The following SPG7 variants were observed in gnomAD, a reference collection of about 807,000 sequenced individuals.
SPG7 encodes SPG7 matrix AAA peptidase subunit, paraplegin, also known as mitochondrial inner membrane m-AAA protease component paraplegin.
Under a neutral mutation model 81.9 loss-of-function variants are expected in SPG7, and 103 were observed. That is an observed-to-expected ratio of 1.26 (90% CI 1.07 to 1.48). The LOEUF is 1.48. Among genes scored for constraint, SPG7 ranks in the 40% most tolerant of loss-of-function variants. The pLI is 0.00. For missense variants in SPG7, 1,241 were observed against 1,087.3 expected, an observed-to-expected ratio of 1.14 and a Z score of -1.99; for synonymous variants, 534 against 444.2, an observed-to-expected ratio of 1.20 and a Z score of -2.54.
intron 9 of SPG7, among the ~76,000 whole-genome samples, chr16:89,536,477 CGGGTG>C (rs2058420132): frequency 2.5e-5 from 1 of 40,300 alleles, no homozygotes; most frequent in Admixed American, 2.8e-4. Context: ...GCGGGTGAGG[CGGGTG>C]AGGTCAGGTG....
Position 89,557,008 on chromosome 16 carries a change from G to A in SPG7, c.2303G>A (p.Arg768Lys), listed in dbSNP as rs1438518759. Residue 768 changes from arginine to lysine, a missense_variant, in exon 17 of 17, where the codon AGG (arginine) becomes AAG (lysine). Coordinates refer to ENST00000645818, the MANE Select transcript of SPG7 (RefSeq NM_003119.4). ...CCGCAGAGGTGGATCGACGCCCAGA[G>A]GGAGAAACAGGACTTGGGCGAGGAG... ...IAPQRWIDAQ[R>K]EKQDLGEEET... 1.1e-5 allele frequency: 17 copies of A among 1,613,684 alleles called. No individual in the cohort carries two copies. Among genetic ancestry groups the A allele is most frequent in the Non-Finnish European group, 1.3e-5 (15 of 1,180,036 alleles).
At chr16:89,517,304 C>T (rs1386975769) in intron 3 of SPG7, 1 of 151,412 alleles carries the variant, frequency 6.6e-6, no homozygotes, top group African/African-American at 2.4e-5. Context: ...GCATGGCAGC[C>T]TCCGTTGTCA....
At chr16:89,555,980 G>A (rs1456440712) in intron 16 of SPG7, 3 of 398,696 alleles carry the variant, frequency 7.5e-6, no homozygotes, top group Admixed American at 8.8e-5. Context: ...GCCGTCCCCG[G>A]CTGAAGCAGG....
chr16:89,550,221 G>A (rs1339073091), intron 12 of SPG7: 1 of 405,206 alleles, frequency 2.5e-6, no homozygotes, highest in South Asian at 2.1e-5. Flanking sequence ...CGCCCAGCCT[G>A]GAGTGCAGTG....
chr16:89,547,683 G>A (rs1048585024), intron 11 of SPG7: 11 of 373,200 alleles, frequency 2.9e-5, no homozygotes, highest in Non-Finnish European at 5.7e-5. Flanking sequence ...CGTGATCTTG[G>A]CTCCCCGCAG....
At chr16:89,514,208 C>G (rs1414379356) in intron 3 of SPG7, 1 of 149,674 alleles carries the variant, frequency 6.7e-6, no homozygotes, top group Non-Finnish European at 1.5e-5. Context: ...TCAGAACTAT[C>G]TTCTAAAAGA....
intron 13 of SPG7, 38 bp from the exon 14 acceptor site, chr16:89,552,941 C>A: frequency 6.2e-7 from 1 of 1,610,870 alleles, no homozygotes; most frequent in Non-Finnish European, 8.5e-7. Flanking sequence ...GCCCACGCAT[C>A]CTGCCTACTG....
chr16:89,510,519 C>T lies in SPG7; in HGVS notation c.213C>T (p.Thr71=). 2 of 1,608,834 alleles carry T rather than the reference C, an allele frequency of 1.2e-6. No individual in the cohort carries two copies. The highest frequency in any genetic ancestry group is 1.7e-5 in the Admixed American group (1 of 59,784). ...TACAATTGAGACTGCTAACCCCTAC[C>T]TTTGAAGGGATCAACGGATTGTTGT... is the stretch of plus-strand genomic sequence containing the variant. ...QSLQLRLLTP[T]FEGINGLLLK... Residue 71 remains threonine, a synonymous_variant, in exon 2 of 17, where the codon ACC becomes ACT. Coordinates refer to ENST00000645818, the MANE Select transcript of SPG7 (RefSeq NM_003119.4).
chr16:89,548,255 A>C, intron 12 of SPG7, 142 bp downstream of exon 12: 19 of 655,804 alleles, frequency 2.9e-5, no homozygotes, highest in Non-Finnish European at 3.6e-5. Flanking sequence ...TGCGTAACTC[A>C]TGTCTTTATG....
rs768000557 is a variant in SPG7, at chr16:89,557,113, C to T, written c.*20C>T. 8 of 1,602,474 alleles carry T rather than the reference C, an allele frequency of 5.0e-6. No individual in the cohort carries two copies. Among genetic ancestry groups the T allele is most frequent in the East Asian group, 2.2e-5 (1 of 44,828 alleles). On this transcript the variant is annotated 3_prime_UTR_variant, in exon 17 of 17. Transcript: ENST00000645818. ...AAGTAGTTGGGAGGTGTTGGCTGCA[C>T]GTGCGGGTGGTCCGGGAAGTGAGGG...
intron 13 of SPG7, chr16:89,552,266 G>A (rs1011955037): frequency 2.0e-5 from 3 of 152,902 alleles, no homozygotes; most frequent in Non-Finnish European, 4.4e-5. Context: ...TCGTTATGTT[G>A]CCCAGGCTAG....
intron 9 of SPG7, among the ~76,000 whole-genome samples, chr16:89,542,658 T>C (rs930712931): frequency 1.3e-5 from 2 of 152,166 alleles, no homozygotes; most frequent in Non-Finnish European, 2.9e-5. Flanking sequence ...CGGCTACGGC[T>C]TAGTGAGGCT....
intron 3 of SPG7, among the ~76,000 whole-genome samples, chr16:89,515,163 C>G (rs2058078955): frequency 6.6e-6 from 1 of 151,668 alleles, no homozygotes; most frequent in Admixed American, 6.6e-5. Context: ...GTCTCAATCT[C>G]CTGACCTCGT....
intron 1 of SPG7, chr16:89,508,879 C>G (rs989097265): frequency 3.1e-6 from 2 of 635,254 alleles, no homozygotes; most frequent in Non-Finnish European, 5.9e-6. Flanking sequence ...CTCCGCCCGT[C>G]TTCCTCGCCT....
chr16:89,542,589 C>T (rs74476291), intron 9 of SPG7, among the ~76,000 whole-genome samples: 3 of 152,240 alleles, frequency 2.0e-5, no homozygotes, highest in South Asian at 2.1e-4. Flanking sequence ...CTTTGAAATT[C>T]GGGAGCGATT....
chr16:89,535,432 G>A (rs567693457), intron 9 of SPG7, among the ~76,000 whole-genome samples: 10 of 152,290 alleles, frequency 6.6e-5, no homozygotes, highest in African/African-American at 2.2e-4. Flanking sequence ...AGGACGCAAC[G>A]ACGTTTGCGG....
In SPG7 at chr16:89,516,395, A is replaced by G. The variant is rs550169321; in HGVS notation, c.376+3358A>G. The stretch of plus-strand genomic sequence containing the variant: ...CTTGTCTACTAAAAATACCAAAAAA[A>G]AAAAAAATTAGCCAGGTGTGGTGTA... On this transcript the variant is annotated intron_variant, in intron 3 of 16. Coordinates refer to ENST00000645818, the MANE Select transcript of SPG7 (RefSeq NM_003119.4). Among the ~76,000 whole-genome samples the G allele has an allele frequency of 3.3e-5, 5 of 152,174 alleles. No individual in the cohort carries two copies. The South Asian group carries it at 1.0e-3, about 32-fold the overall frequency.
At chr16:89,518,730 AAAATT>A (rs1184491236) in intron 3 of SPG7, 2 of 152,208 alleles carry the variant, frequency 1.3e-5, no homozygotes, top group Non-Finnish European at 2.9e-5. Flanking sequence ...TCTAAAGACA[AAAATT>A]AAAGAGATGG....
At chr16:89,516,210 A>G (rs924560092) in intron 3 of SPG7, among the ~76,000 whole-genome samples, 14 of 151,434 alleles carry the variant, frequency 9.2e-5, no homozygotes, top group Admixed American at 9.2e-4. Flanking sequence ...CTAGTCTCAA[A>G]CTTCTCACCT....
Sources: allele counts gnomAD v4.1 joint callset (sites outside exome capture counted in the v4.1 genomes callset), GRCh38; gene constraint gnomAD v4.1.1; transcripts MANE v1.5; gene names NCBI Gene and HGNC (gene_info 2026-07-23, HGNC 2026-07-21).